NSMCE1: variants seen among roughly 807,000 people sequenced by gnomAD.
The protein encoded by NSMCE1 is NSE1 component of SMC5/6 complex.
NSMCE1 carries 18 observed loss-of-function variants against 29.6 expected under a neutral mutation model. The observed-to-expected ratio is 0.61, with a 90% CI of 0.42 to 0.90. NSMCE1 has a LOEUF of 0.90. Among genes scored for constraint, NSMCE1 ranks in the 40% least tolerant of loss-of-function variants. The probability of loss-of-function intolerance (pLI) is 0.00; values close to 1 mark genes in which losing one functional copy is unlikely to be tolerated. For missense variants in NSMCE1, 314 were observed against 343.6 expected (o/e 0.91, Z 0.68); for synonymous variants, 124 against 133.4 (o/e 0.93, Z 0.49).
In NSMCE1 at chr16:27,225,095, C is replaced by T; in HGVS notation, c.*62G>A. On this transcript the variant is annotated 3_prime_UTR_variant, in exon 8 of 8. Transcript: ENST00000361439. ...AACCTGAAACACGGACGCCTTTCTT[C>T]CAAGAAGGGCTGTGGCGATCAGGCC... The T allele has an allele frequency of 1.1e-6, 1 of 933,404 alleles. No homozygotes were observed. The highest frequency in any genetic ancestry group is 1.4e-5 in the South Asian group (1 of 71,528). The allele number at this position is 933,404 out of a possible 1,614,324, so 57.8% of individuals were successfully genotyped here.
intron 2 of NSMCE1, among the ~76,000 whole-genome samples, chr16:27,254,332 T>C (rs1232926719): frequency 6.6e-6 from 1 of 152,174 alleles, no homozygotes; most frequent in Admixed American, 6.5e-5. Flanking sequence ...TGCAAAGAAA[T>C]GGTACACAGT....
chr16:27,247,913 C>T (rs2083974433), intron 2 of NSMCE1, among the ~76,000 whole-genome samples: 1 of 147,992 alleles, frequency 6.8e-6, no homozygotes, highest in Non-Finnish European at 1.5e-5. Flanking sequence ...GGCGACAGAG[C>T]AAGACTCTGT....
In NSMCE1 at chr16:27,262,769, T is replaced by C. The variant is rs150464172; in HGVS notation, c.-11-5188A>G. Among the ~76,000 whole-genome samples the C allele has an allele frequency of 1.4e-3, 215 of 152,292 alleles. 2 individuals carry two copies. Among genetic ancestry groups the C allele is most frequent in the African/African-American group, 4.8e-3 (201 of 41,562 alleles). ...AGATCTAATTAAACTTAAGAGCTTCTGCACAGCAAAAGAAACTATCAACAG... is the reference window on the plus strand; with the variant it reads ...AGATCTAATTAAACTTAAGAGCTTCCGCACAGCAAAAGAAACTATCAACAG... On this transcript the variant is annotated intron_variant, in intron 1 of 7. Transcript: ENST00000361439.
At chr16:27,258,815 A>T (rs1385215446) in intron 1 of NSMCE1, among the ~76,000 whole-genome samples, 1 of 150,706 alleles carries the variant, frequency 6.6e-6, no homozygotes, top group Non-Finnish European at 1.5e-5. Context: ...CAGTGGCGTG[A>T]TCTCGGCTCA....
chr16:27,264,060 A>G (rs1268351020), intron 1 of NSMCE1, among the ~76,000 whole-genome samples: 2 of 152,254 alleles, frequency 1.3e-5, no homozygotes, highest in East Asian at 3.8e-4. Context: ...TTGTCCTACC[A>G]GCTATAAAGA....
At chr16:27,251,817 C>T (rs1177548070) in intron 2 of NSMCE1, among the ~76,000 whole-genome samples, 5 of 152,180 alleles carry the variant, frequency 3.3e-5, no homozygotes, top group Admixed American at 6.5e-5. Flanking sequence ...CAGTTCTCAG[C>T]GGGATCCTTG....
intron 3 of NSMCE1, 130 bp from the exon 4 acceptor site, chr16:27,234,395 C>A (rs2083796880): frequency 2.8e-6 from 2 of 703,620 alleles, no homozygotes; most frequent in East Asian, 5.2e-5. Context: ...GCACTGCGGG[C>A]CGCAGGGATG....
At chr16:27,262,021 T>C (rs1489429185) in intron 1 of NSMCE1, among the ~76,000 whole-genome samples, 1 of 152,154 alleles carries the variant, frequency 6.6e-6, no homozygotes, top group Non-Finnish European at 1.5e-5. Context: ...GGCGGGCAGA[T>C]CACCTGAGGT....
chr16:27,227,040 A>G (rs749334323), intron 5 of NSMCE1, among the ~76,000 whole-genome samples: 1 of 152,174 alleles, frequency 6.6e-6, no homozygotes, highest in Non-Finnish European at 1.5e-5. Flanking sequence ...CCCTAAAGAC[A>G]TGGAGGCGTG....
rs74809760 is a variant in NSMCE1, at chr16:27,226,771, C to T, written c.549G>A (p.Thr183=). 201 of 1,613,890 alleles carry T rather than the reference C, an allele frequency of 1.2e-4. No homozygotes were observed. The African/African-American group carries it at 2.1e-3, about 17-fold the overall frequency. The change falls in exon 6 of 8, where the codon ACG becomes ACA. Residue 183 remains threonine (T), a synonymous_variant. Transcript: ENST00000361439. ...ILEMEQYIRE[T]YPDAVKICNI... ...TGCAGATCTTCACCGCGTCGGGGTA[C>T]GTCTCCCGGATGTATTGCTCCATCT...
At chr16:27,230,775 T>TC (rs1166564537) in intron 5 of NSMCE1, 1 of 152,320 alleles carries the variant, frequency 6.6e-6, no homozygotes, top group Non-Finnish European at 1.5e-5. Flanking sequence ...AGGTGGCAGC[T>TC]CCCGGATCCT....
At chr16:27,254,932 T>C (rs2141007245) in intron 2 of NSMCE1, among the ~76,000 whole-genome samples, 1 of 126,234 alleles carries the variant, frequency 7.9e-6, no homozygotes, top group Non-Finnish European at 1.6e-5. Flanking sequence ...CAAGCTGGAG[T>C]GCAGGGGCAG....
chr16:27,235,055 T>G (rs1405593704), intron 3 of NSMCE1, 123 bp downstream of exon 3: 7 of 851,772 alleles, frequency 8.2e-6, no homozygotes, highest in Non-Finnish European at 1.3e-5. Context: ...ATTCTATACA[T>G]TTGGAGTGAC....
chr16:27,253,133 A>C (rs2084052365), intron 2 of NSMCE1, among the ~76,000 whole-genome samples: 1 of 152,130 alleles, frequency 6.6e-6, no homozygotes, highest in African/African-American at 2.4e-5. Flanking sequence ...GTAAGTCAAA[A>C]TGTAAGTAAA....
chr16:27,233,170 T>A (rs1444621681), intron 4 of NSMCE1, 23 bp from the exon 5 acceptor site: 1 of 1,601,454 alleles, frequency 6.2e-7, no homozygotes, highest in African/African-American at 1.3e-5. Flanking sequence ...GCAGGTATCA[T>A]GCTCATCTAT....
chr16:27,238,984 C>T (rs570785809), intron 2 of NSMCE1, among the ~76,000 whole-genome samples: 2 of 152,224 alleles, frequency 1.3e-5, no homozygotes, highest in East Asian at 3.9e-4. Context: ...ATCCTCCTGC[C>T]TCAGCCTCCC....
chr16:27,251,183 TATATATAA>T lies in NSMCE1; in HGVS notation c.136+6244_136+6251del, dbSNP rs1321681992. Reference sequence around the variant, plus strand: ...AAATATATATATATATATATATATATATATATAAATATATATATATATATAAAACTCTG... The same window carrying T: ...AAATATATATATATATATATATATATATATATATATATATATAAAACTCTG... On this transcript the variant is annotated intron_variant, in intron 2 of 7. Coordinates refer to ENST00000361439, the MANE Select transcript of NSMCE1 (RefSeq NM_145080.4). Among the ~76,000 whole-genome samples, 63 of 52,614 alleles carry T rather than the reference TATATATAA, an allele frequency of 1.2e-3. 1 individual carries two copies. Among genetic ancestry groups the T allele is most frequent in the African/African-American group, 9.1e-3 (45 of 4,924 alleles). The allele number at this position is 52,614 out of a possible 152,430, so 34.5% of individuals were successfully genotyped here.
chr16:27,263,942 T>C (rs753761481), intron 1 of NSMCE1, among the ~76,000 whole-genome samples: 2 of 152,336 alleles, frequency 1.3e-5, no homozygotes, highest in Non-Finnish European at 2.9e-5. Flanking sequence ...CCAAGAGGCT[T>C]TGTGTATGTG....
At chr16:27,225,993 C>T (rs2083686565) in intron 6 of NSMCE1, 147 bp from the exon 7 acceptor site, 2 of 908,954 alleles carry the variant, frequency 2.2e-6, no homozygotes, top group Non-Finnish European at 3.3e-6. Context: ...ATCCCAAACG[C>T]CTTAGTGCAG....
Sources: allele counts gnomAD v4.1 joint callset (sites outside exome capture counted in the v4.1 genomes callset), GRCh38; gene constraint gnomAD v4.1.1; transcripts MANE v1.5; gene names NCBI Gene and HGNC (gene_info 2026-07-23, HGNC 2026-07-21).